The following DEAF1 variants were observed in gnomAD, a reference collection of about 807,000 sequenced individuals.
The protein encoded by DEAF1 is deformed epidermal autoregulatory factor 1 homolog.
DEAF1 carries 53 observed loss-of-function variants against 58.9 expected under a neutral mutation model. The observed-to-expected ratio is 0.90, with a 90% CI of 0.72 to 1.13. DEAF1 has a LOEUF of 1.13. DEAF1 is among the 50% of genes most tolerant of loss of function. The probability of loss-of-function intolerance (pLI) is 0.00; values close to 1 mark genes in which losing one functional copy is unlikely to be tolerated. For synonymous variants in DEAF1, 385 were observed against 340.4 expected (o/e 1.13, Z -1.44); for missense variants, 685 against 791.4 (o/e 0.87, Z 1.61).
intron 1 of DEAF1, chr11:703,121 G>A: frequency 6.2e-7 from 1 of 1,609,226 alleles, no homozygotes; most frequent in Non-Finnish European, 8.5e-7. Flanking sequence ...CGTCCTGCAG[G>A]TGGTTGCCAT....
intron 9 of DEAF1, among the ~76,000 whole-genome samples, 165 bp from the exon 10 acceptor site, chr11:674,948 T>C (rs1304975860): frequency 1.3e-5 from 2 of 151,590 alleles, no homozygotes; most frequent in Non-Finnish European, 2.9e-5. Context: ...ATCGAGACCA[T>C]CCTGGCTAAC....
intron 10 of DEAF1, among the ~76,000 whole-genome samples, chr11:659,818 G>C (rs1454553003): frequency 6.6e-6 from 1 of 152,360 alleles, no homozygotes; most frequent in East Asian, 1.9e-4. Context: ...GAGCGGGAGA[G>C]GGGAGAGTGA....
At chr11:683,409 A>C (rs576124746) in intron 6 of DEAF1, among the ~76,000 whole-genome samples, 1 of 152,292 alleles carries the variant, frequency 6.6e-6, no homozygotes, top group African/African-American at 2.4e-5. Flanking sequence ...TGTCACTCCA[A>C]GGCCATTTGC....
chr11:661,412 TA>T (rs1233001928), intron 10 of DEAF1, among the ~76,000 whole-genome samples: 3 of 151,646 alleles, frequency 2.0e-5, no homozygotes, highest in African/African-American at 7.3e-5. Context: ...TTTTTTTTTT[TA>T]AATTCCAGAT....
chr11:653,981 G>A lies in DEAF1; in HGVS notation c.1574C>T (p.Ser525Phe). 1 of 1,613,890 alleles carries A rather than the reference G, an allele frequency of 6.2e-7. No homozygotes were observed. The highest frequency in any genetic ancestry group is 8.5e-7 in the Non-Finnish European group (1 of 1,179,962). The part of the protein sequence containing the change: ...CTGCHKVNYC[S>F]TFCQRKDWKD... ...ACCTACCTTGCGTTGGCAGAAGGTG[G>A]AGCAGTAGTTGACCTTGTGGCAGCC... The change falls in exon 11 of 12, where the codon TCC becomes TTC. Residue 525 changes from serine to phenylalanine, a missense_variant. Ser to Phe is a radical substitution (Grantham distance 155). Transcript: ENST00000382409.
chr11:672,161 G>A (rs7949932), intron 10 of DEAF1, among the ~76,000 whole-genome samples: 33,919 of 151,992 alleles, frequency 0.22, 5,720 homozygotes, highest in African/African-American at 0.48. Flanking sequence ...CATAGAATAC[G>A]GCCTGGGATG....
At chr11:651,675 A>G (rs1858778156) in intron 11 of DEAF1, among the ~76,000 whole-genome samples, 1 of 152,200 alleles carries the variant, frequency 6.6e-6, no homozygotes, top group Non-Finnish European at 1.5e-5. Flanking sequence ...TCACAAGGTC[A>G]GGAGATCGAG....
chr11:646,957 C>T (rs966231228), intron 11 of DEAF1, among the ~76,000 whole-genome samples: 1 of 151,448 alleles, frequency 6.6e-6, no homozygotes, highest in African/African-American at 2.4e-5. Flanking sequence ...GGAGACCAGC[C>T]TGAGCAACAT....
intron 1 of DEAF1, chr11:703,306 G>C: frequency 1.4e-6 from 2 of 1,424,354 alleles, no homozygotes; most frequent in Non-Finnish European, 1.8e-6. Context: ...GCAGGAGTGG[G>C]AGCAGGAGCC....
At chr11:652,099 T>C (rs1197598838) in intron 11 of DEAF1, among the ~76,000 whole-genome samples, 1 of 152,188 alleles carries the variant, frequency 6.6e-6, no homozygotes. Context: ...CGCTAGGCCC[T>C]AACACAAATC....
At chr11:647,414 C>CG (rs1451122416) in intron 11 of DEAF1, among the ~76,000 whole-genome samples, 1 of 152,108 alleles carries the variant, frequency 6.6e-6, no homozygotes, top group Non-Finnish European at 1.5e-5. Flanking sequence ...AAGATCGCGC[C>CG]GCTGCACTCC....
At chr11:654,127 T>C (rs961597373) in intron 10 of DEAF1, 76 bp from the exon 11 acceptor site, 22 of 1,241,764 alleles carry the variant, frequency 1.8e-5, no homozygotes, top group Non-Finnish European at 2.5e-5. Context: ...CAGAGGCAGG[T>C]GCAGGCAGGA....
rs188079131 is a variant in DEAF1, at chr11:649,233, C to T, written c.1594-4579G>A. Among the ~76,000 whole-genome samples the T allele has an allele frequency of 2.6e-4, 38 of 147,768 alleles. 1 individual carries two copies. Among genetic ancestry groups the T allele is most frequent in the Admixed American group, 2.6e-3 (38 of 14,818 alleles). On this transcript the variant is annotated intron_variant, in intron 11 of 11. Transcript: ENST00000382409. ...GCCACTGCACTCTAGCCTGGGCAAC[C>T]GTGCGAGACTCCATCACACACACAC... is the stretch of plus-strand genomic sequence containing the variant.
chr11:659,286 G>C (rs1025128043), intron 10 of DEAF1, among the ~76,000 whole-genome samples: 5 of 151,832 alleles, frequency 3.3e-5, no homozygotes, highest in African/African-American at 9.7e-5. Flanking sequence ...TTAGCTACCA[G>C]AGAGGCTGAG....
intron 4 of DEAF1, 124 bp from the exon 5 acceptor site, chr11:687,121 A>C: frequency 4.9e-5 from 68 of 1,393,932 alleles, no homozygotes; most frequent in Non-Finnish European, 5.9e-5. Flanking sequence ...ATGTGATCTC[A>C]CCCACCCACA....
At chr11:695,868 G>T, upstream of DEAF1, 1 of 1,226,230 alleles carries the variant, frequency 8.2e-7, no homozygotes, top group Non-Finnish European at 1.0e-6. Flanking sequence ...CGGGGTGGGG[G>T]CTTCCGGGCT....
chr11:645,794 G>T (rs1858465058), intron 11 of DEAF1, among the ~76,000 whole-genome samples: 1 of 152,222 alleles, frequency 6.6e-6, no homozygotes, highest in Admixed American at 6.5e-5. Context: ...CAGAGCTCTA[G>T]AGGAAGCGCC....
intron 9 of DEAF1, among the ~76,000 whole-genome samples, chr11:676,320 C>T (rs1860077560): frequency 4.8e-5 from 1 of 20,918 alleles, no homozygotes; most frequent in South Asian, 1.9e-3. Flanking sequence ...CCCGACATCC[C>T]CCCAGCACCC....
chr11:687,031 G>C (rs1275101272), intron 4 of DEAF1, 34 bp from the exon 5 acceptor site: 1 of 1,612,782 alleles, frequency 6.2e-7, no homozygotes, highest in Non-Finnish European at 8.5e-7. Flanking sequence ...GATGATGGCA[G>C]GTGGGAACGT....
Sources: gnomAD v4.1 joint callset for allele counts (sites outside exome capture counted in the v4.1 genomes callset) on GRCh38, gnomAD v4.1.1 for gene constraint, MANE v1.5 for transcripts, NCBI Gene and HGNC (gene_info 2026-07-23, HGNC 2026-07-21) for gene names.